Variants in CNTNAP2 observed in about 807,000 individuals in gnomAD.
CNTNAP2 encodes contactin associated protein 2, also known as contactin-associated protein-like 2.
Under a neutral mutation model 155.2 loss-of-function variants are expected in CNTNAP2, and 98 were observed. That is an observed-to-expected ratio of 0.63 (90% confidence interval 0.54 to 0.75). The LOEUF (loss-of-function observed/expected upper bound fraction) is 0.75, where lower values mean the gene tolerates loss of function less well. CNTNAP2 is among the 30% of genes least tolerant of loss of function. CNTNAP2 has a pLI of 0.00. For missense variants in CNTNAP2, 1,727 were observed against 1,688.1 expected (o/e 1.02, Z -0.40); for synonymous variants, 651 against 631.2 (o/e 1.03, Z -0.47).
chr7:146,301,959 T>C (rs1029729636), intron 1 of CNTNAP2, among the ~76,000 whole-genome samples: 31 of 152,110 alleles, frequency 2.0e-4, no homozygotes, highest in African/African-American at 2.4e-5. Context: ...CTGTTCAAGC[T>C]ACCTCGTAGG....
chr7:146,608,387 C>T (rs999564797), intron 1 of CNTNAP2, among the ~76,000 whole-genome samples: 1 of 151,948 alleles, frequency 6.6e-6, no homozygotes. Flanking sequence ...GAATTATCAC[C>T]GTGAATAAAC....
intron 1 of CNTNAP2, among the ~76,000 whole-genome samples, chr7:146,177,526 G>T (rs1798487144): frequency 1.3e-5 from 2 of 152,094 alleles, no homozygotes; most frequent in Non-Finnish European, 2.9e-5. Flanking sequence ...AGCAGTAAAA[G>T]CCAAATTGAA....
chr7:146,485,924 T>C (rs1297869918), intron 1 of CNTNAP2, among the ~76,000 whole-genome samples: 1 of 152,134 alleles, frequency 6.6e-6, no homozygotes, highest in African/African-American at 2.4e-5. Context: ...CTATACAAGT[T>C]AAATAGATTT....
At chr7:147,319,204 A>G (rs1795296610) in intron 9 of CNTNAP2, among the ~76,000 whole-genome samples, 1 of 152,166 alleles carries the variant, frequency 6.6e-6, no homozygotes, top group Non-Finnish European at 1.5e-5. Flanking sequence ...AAGGCTTTAT[A>G]TTGCATCAAT....
At chr7:147,010,290 G>A (rs777130979) in intron 3 of CNTNAP2, among the ~76,000 whole-genome samples, 6 of 151,678 alleles carry the variant, frequency 4.0e-5, no homozygotes, top group East Asian at 1.9e-4. Flanking sequence ...GATTACAGAC[G>A]TGAGCCACCA....
chr7:146,904,912 C>T (rs1370869288), intron 3 of CNTNAP2, among the ~76,000 whole-genome samples: 1 of 152,176 alleles, frequency 6.6e-6, no homozygotes, highest in Non-Finnish European at 1.5e-5. Flanking sequence ...AGTAACATCT[C>T]AAGCTCACCT....
At chr7:146,964,859 C>G (rs1426487000) in intron 3 of CNTNAP2, among the ~76,000 whole-genome samples, 2 of 148,082 alleles carry the variant, frequency 1.4e-5, no homozygotes, top group East Asian at 3.9e-4. Context: ...GCTGACTGTT[C>G]CAAAAAAAAA....
At chr7:148,005,047 A>G (rs1269507247) in intron 15 of CNTNAP2, among the ~76,000 whole-genome samples, 1 of 152,204 alleles carries the variant, frequency 6.6e-6, no homozygotes, top group African/African-American at 2.4e-5. Context: ...TTTGCAGGTC[A>G]CTTGCTGTCT....
intron 10 of CNTNAP2, among the ~76,000 whole-genome samples, chr7:147,422,463 TA>T (rs775856478): frequency 6.6e-6 from 1 of 152,004 alleles, no homozygotes; most frequent in Non-Finnish European, 1.5e-5. Context: ...TAAATTCCCT[TA>T]TGCAATTTTT....
At chr7:146,483,661 T>C (rs950156827) in intron 1 of CNTNAP2, among the ~76,000 whole-genome samples, 4 of 151,618 alleles carry the variant, frequency 2.6e-5, no homozygotes, top group Non-Finnish European at 4.4e-5. Context: ...GGTAAATGTA[T>C]GTCTTATTTT....
At chr7:147,209,044 T>C (rs1462057181) in intron 8 of CNTNAP2, among the ~76,000 whole-genome samples, 3 of 151,984 alleles carry the variant, frequency 2.0e-5, no homozygotes, top group Non-Finnish European at 2.9e-5. Flanking sequence ...AATCCTCATA[T>C]TGCTCAGGAT....
intron 1 of CNTNAP2, among the ~76,000 whole-genome samples, chr7:146,340,698 CG>C (rs1433144637): frequency 1.3e-5 from 2 of 152,010 alleles, no homozygotes; most frequent in Non-Finnish European, 2.9e-5. Context: ...GAAGTAGAAT[CG>C]GATCTACTAA....
chr7:146,602,185 G>A (rs1181358883), intron 1 of CNTNAP2, among the ~76,000 whole-genome samples: 2 of 152,086 alleles, frequency 1.3e-5, no homozygotes, highest in East Asian at 1.9e-4. Flanking sequence ...TAATTTGCAC[G>A]GAGACCCTTA....
At chr7:147,983,048 C>A (rs1801558893) in intron 15 of CNTNAP2, among the ~76,000 whole-genome samples, 3 of 143,762 alleles carry the variant, frequency 2.1e-5, no homozygotes, top group African/African-American at 7.8e-5. Context: ...CAAAAACAGA[C>A]AAGGCAATAA....
chr7:147,372,724 A>T (rs1441728595), intron 9 of CNTNAP2, among the ~76,000 whole-genome samples: 1 of 152,070 alleles, frequency 6.6e-6, no homozygotes, highest in East Asian at 1.9e-4. Context: ...AGCCAGATAA[A>T]TACTTTTTTA....
intron 2 of CNTNAP2, among the ~76,000 whole-genome samples, chr7:146,792,824 G>T (rs1054886835): frequency 6.6e-6 from 1 of 152,076 alleles, no homozygotes; most frequent in Non-Finnish European, 1.5e-5. Flanking sequence ...TGTCTTACTC[G>T]ATGAAAATAA....
At chr7:147,301,916 T>C (rs1233439639) in intron 9 of CNTNAP2, among the ~76,000 whole-genome samples, 1 of 152,108 alleles carries the variant, frequency 6.6e-6, no homozygotes. Flanking sequence ...ACCAGGGCAT[T>C]TCTCCCCATC....
chr7:147,786,208 G>A (rs949956506), intron 13 of CNTNAP2, among the ~76,000 whole-genome samples: 2 of 152,244 alleles, frequency 1.3e-5, no homozygotes, highest in Non-Finnish European at 2.9e-5. Context: ...AGAGGTGGAG[G>A]TTGCAGTGAG....
chr7:146,378,981 A>G (rs771782501), intron 1 of CNTNAP2, among the ~76,000 whole-genome samples: 1 of 152,242 alleles, frequency 6.6e-6, no homozygotes, highest in Non-Finnish European at 1.5e-5. Context: ...CTTGGTTTGA[A>G]CAACTAGAGC....
Sources: gnomAD v4.1 joint callset for allele counts (sites outside exome capture counted in the v4.1 genomes callset) on GRCh38, gnomAD v4.1.1 for gene constraint, MANE v1.5 for transcripts, NCBI Gene and HGNC (gene_info 2026-07-23, HGNC 2026-07-21) for gene names.